The following TRPM7 variants were observed in gnomAD, a reference collection of about 807,000 sequenced individuals.
The protein encoded by TRPM7 is transient receptor potential cation channel subfamily M member 7.
A neutral mutation model predicts 229.7 loss-of-function variants in TRPM7; 134 were observed. The observed-to-expected ratio is 0.58, with a 90% CI of 0.51 to 0.67. The LOEUF is 0.67. Ranked by LOEUF, TRPM7 falls within the 30% of genes least tolerant of loss-of-function variation. TRPM7 has a pLI of 0.00. For synonymous variants in TRPM7, 699 were observed against 715.2 expected (o/e 0.98, Z 0.36); for missense variants, 1,901 against 2,210.0 (o/e 0.86, Z 2.80).
At chr15:50,684,300 C>G (rs913141726) in intron 1 of TRPM7, among the ~76,000 whole-genome samples, 3 of 151,790 alleles carry the variant, frequency 2.0e-5, no homozygotes, top group South Asian at 2.1e-4. Context: ...TTACCACGCC[C>G]GATTACTGAT....
In TRPM7 at chr15:50,560,012, C is replaced by CAAAAAAAA. The variant is rs34461633; in HGVS notation, c.*1658_*1665dup. 1 of 79,830 alleles carries CAAAAAAAA rather than the reference C, an allele frequency of 1.3e-5. No individual in the cohort carries two copies. The highest frequency in any genetic ancestry group is 3.3e-4 in the East Asian group (1 of 3,012). 4.9% of individuals were successfully genotyped at this position (79,830 alleles called of 1,614,324 possible). On this transcript the variant is annotated 3_prime_UTR_variant, in exon 39 of 39. Transcript: ENST00000646667. ...CAAGCAACAGAGCGAGACTCCGTCT[C>CAAAAAAAA]AAAAAAAAAAAAAAAAAAAAAAGTA...
intron 1 of TRPM7, among the ~76,000 whole-genome samples, chr15:50,666,862 C>T (rs2061896236): frequency 6.6e-6 from 1 of 152,098 alleles, no homozygotes; most frequent in Non-Finnish European, 1.5e-5. Flanking sequence ...TGAAAAGATA[C>T]AAGGTAATTG....
chr15:50,623,862 T>A (rs1370998420), intron 12 of TRPM7, among the ~76,000 whole-genome samples: 1 of 150,424 alleles, frequency 6.6e-6, no homozygotes, highest in Non-Finnish European at 1.5e-5. Context: ...AAAAGAAACA[T>A]AATCACCCTA....
At position 50,570,638 on chromosome 15, in the gene TRPM7, T is replaced by C. The variant is rs528587657; in HGVS notation, c.5309-483A>G. On this transcript the variant is annotated intron_variant, in intron 36 of 38. Coordinates refer to ENST00000646667, the MANE Select transcript of TRPM7 (RefSeq NM_017672.6). ...CGGATGGATCACCTGAGGTCAGGAG[T>C]TCGAGACCAGCCTGACCAACATGGT... Among the ~76,000 whole-genome samples the C allele has an allele frequency of 1.0e-4, 15 of 144,110 alleles. No homozygotes were observed. The East Asian group carries it at 3.0e-3, about 29-fold the overall frequency. 94.5% of individuals were successfully genotyped at this position (144,110 alleles called of 152,430 possible).
rs543169317 is a variant in TRPM7 at position 50,627,279 on chromosome 15, GA to G, written c.1305+869del. Among the ~76,000 whole-genome samples the G allele has an allele frequency of 6.7e-3, 1,020 of 152,102 alleles. 15 individuals carry two copies. The highest frequency in any genetic ancestry group is 0.024 in the African/African-American group (978 of 41,520). Reference sequence around the variant, plus strand: ...GTTTGTCAGATGGTGACAAAAGTTAGAAAAAAATAGCAGGGAAGAATGCTGG... The same window carrying G: ...GTTTGTCAGATGGTGACAAAAGTTAGAAAAAATAGCAGGGAAGAATGCTGG... On this transcript the variant is annotated intron_variant, in intron 11 of 38. Coordinates refer to ENST00000646667, the MANE Select transcript of TRPM7 (RefSeq NM_017672.6).
rs1357569362 is a variant in TRPM7, at chr15:50,557,675, T to G, written c.*4003A>C. 6.6e-6 allele frequency: 1 copy of G among 152,226 alleles called. No individual in the cohort carries two copies. 9.4% of individuals were successfully genotyped at this position (152,226 alleles called of 1,614,324 possible). A position where few individuals can be genotyped will look rare whatever the true frequency, so the allele number is the denominator to read the frequency against. On this transcript the variant is annotated 3_prime_UTR_variant, in exon 39 of 39. Coordinates refer to ENST00000646667, the MANE Select transcript of TRPM7 (RefSeq NM_017672.6). Reference sequence around the variant, plus strand: ...ACATCTTTTTTTTGAGACAGAGTTCTGCTGTCACCCAGGCTGGAGTGCAGT... The same window carrying G: ...ACATCTTTTTTTTGAGACAGAGTTCGGCTGTCACCCAGGCTGGAGTGCAGT...
At chr15:50,576,816 T>G (rs2054156565) in intron 31 of TRPM7, among the ~76,000 whole-genome samples, 1 of 152,122 alleles carries the variant, frequency 6.6e-6, no homozygotes, top group Non-Finnish European at 1.5e-5. Context: ...ATCAAATTGT[T>G]AAGAGGAGGC....
intron 1 of TRPM7, among the ~76,000 whole-genome samples, chr15:50,666,067 T>TA (rs1377468215): frequency 1.3e-5 from 2 of 151,420 alleles, no homozygotes; most frequent in Non-Finnish European, 2.9e-5. Flanking sequence ...ATTGAAAGAA[T>TA]AAAGTCAAAG....
At chr15:50,647,401 G>T (rs1424207940) in intron 4 of TRPM7, among the ~76,000 whole-genome samples, 1 of 151,972 alleles carries the variant, frequency 6.6e-6, no homozygotes, top group Non-Finnish European at 1.5e-5. Context: ...AAAGTGCTGG[G>T]ATTACAGGCG....
rs34653276 is a variant in TRPM7, at chr15:50,589,319, CAAAAAAAAAAA to C, written c.4389+262_4389+272del. On this transcript the variant is annotated intron_variant, in intron 27 of 38. Transcript: ENST00000646667. ...CCCAGGTGACAGCGAGACTCCGTCT[CAAAAAAAAAAA>C]AAAAAAAAAAAGAGAGAAATGTTAA... is the stretch of plus-strand genomic sequence containing the variant. Among the ~76,000 whole-genome samples the C allele has an allele frequency of 2.8e-3, 229 of 81,598 alleles. 1 individual carries two copies. The highest frequency in any genetic ancestry group is 0.018 in the South Asian group (36 of 2,052). The allele number at this position is 81,598 out of a possible 152,430, so 53.5% of individuals were successfully genotyped here.
At position 50,686,560 on chromosome 15, in the gene TRPM7, G is replaced by A. The variant is rs1436720082; in HGVS notation, c.-27C>T. Reference sequence around the variant, plus strand: ...CTCCTCACGGGGCGGACTCCGGAAGGGCAGCAACTCCACCTCCTCCTCCTC... The same window carrying A: ...CTCCTCACGGGGCGGACTCCGGAAGAGCAGCAACTCCACCTCCTCCTCCTC... On this transcript the variant is annotated 5_prime_UTR_variant, in exon 1 of 39. Transcript: ENST00000646667. 1 of 1,609,254 alleles carries A rather than the reference G, an allele frequency of 6.2e-7. No individual in the cohort carries two copies. The highest frequency in any genetic ancestry group is 8.5e-7 in the Non-Finnish European group (1 of 1,177,392).
intron 21 of TRPM7, chr15:50,604,628 C>A (rs1042578854): frequency 3.4e-6 from 1 of 298,458 alleles, no homozygotes; most frequent in African/African-American, 2.2e-5. Flanking sequence ...AAGGAGTTAC[C>A]TACAGACATA....
At chr15:50,623,894 A>G (rs1038754285) in intron 12 of TRPM7, among the ~76,000 whole-genome samples, 14 of 152,136 alleles carry the variant, frequency 9.2e-5, no homozygotes, top group African/African-American at 3.4e-4. Context: ...TTGATCCTCT[A>G]GTTTTGATAA....
chr15:50,680,582 AC>A (rs1238658403), intron 1 of TRPM7, among the ~76,000 whole-genome samples: 2 of 151,858 alleles, frequency 1.3e-5, no homozygotes, highest in Non-Finnish European at 2.9e-5. Flanking sequence ...AAAAAAAAAA[AC>A]AAAAACCAGA....
Position 50,574,187 on chromosome 15 carries a change from T to C in TRPM7, c.5308+87A>G, listed in dbSNP as rs2054028183. The C allele has an allele frequency of 6.6e-6, 7 of 1,058,468 alleles. No homozygotes were observed. In the East Asian group the frequency reaches 1.4e-4, roughly 22 times the overall value. The allele number at this position is 1,058,468 out of a possible 1,614,324, so 65.6% of individuals were successfully genotyped here. A position where few individuals can be genotyped will look rare whatever the true frequency, so the allele number is the denominator to read the frequency against. ...TTCTATTGGCCTAAGATTTTATTTA[T>C]CTATAAATTAGCAGATTCTGTATAA... On this transcript the variant is annotated intron_variant, in intron 36 of 38. Transcript: ENST00000646667.
intron 33 of TRPM7, 100 bp downstream of exon 33, chr15:50,575,624 T>C (rs2054094662): frequency 2.0e-6 from 2 of 993,970 alleles, no homozygotes; most frequent in Non-Finnish European, 2.9e-6. Context: ...TATTTGAAAT[T>C]GATACTTCTT....
At position 50,569,997 on chromosome 15, in the gene TRPM7, T is replaced by C. The variant is rs747033630; in HGVS notation, c.5361-4A>G. ...GCCAAAAACCATATCACAGGATCTG[T>C]AGAATTGGTAATTTTAAAAAAAACA... On this transcript the variant is annotated splice_region_variant and splice_polypyrimidine_tract_variant and intron_variant, in intron 37 of 38. Transcript: ENST00000646667. 22 of 1,600,878 alleles carry C rather than the reference T, an allele frequency of 1.4e-5. No individual in the cohort carries two copies. Among genetic ancestry groups the C allele is most frequent in the Admixed American group, 5.3e-5 (3 of 57,054 alleles).
rs1596146597 is a variant in TRPM7, at chr15:50,598,995, C to T, written c.3163+127G>A. On this transcript the variant is annotated intron_variant, in intron 22 of 38. Transcript: ENST00000646667. ...GTATGTTTCTTCTGGAGTTCACTAA[C>T]GCCTTTGTGTGGGGCTTAGGTTGGT... 1.8e-5 allele frequency: 12 copies of T among 674,024 alleles called. No individual in the cohort carries two copies. In the Middle Eastern group the frequency reaches 1.7e-3, roughly 96 times the overall value. The allele number at this position is 674,024 out of a possible 1,614,324, so 41.8% of individuals were successfully genotyped here.
intron 31 of TRPM7, 30 bp downstream of exon 31, chr15:50,578,609 T>A: frequency 1.2e-6 from 2 of 1,604,800 alleles, no homozygotes; most frequent in Non-Finnish European, 1.7e-6. Context: ...TTCTCATTTT[T>A]TTCACGTTCA....
Sources: allele counts gnomAD v4.1 joint callset (sites outside exome capture counted in the v4.1 genomes callset), GRCh38; gene constraint gnomAD v4.1.1; transcripts MANE v1.5; gene names NCBI Gene and HGNC (gene_info 2026-07-23, HGNC 2026-07-21).